GNRHR: variants seen among roughly 807,000 people sequenced by gnomAD.
GNRHR encodes gonadotropin-releasing hormone receptor.
A neutral mutation model predicts 28.1 loss-of-function variants in GNRHR; 14 were observed. The ratio of observed to expected loss-of-function variants is 0.50; its 90% CI spans 0.33 to 0.78. The LOEUF (loss-of-function observed/expected upper bound fraction) is 0.78, where lower values mean the gene tolerates loss of function less well. Ranked by LOEUF, GNRHR falls within the 30% of genes least tolerant of loss-of-function variation. GNRHR has a pLI of 0.02. For synonymous variants in GNRHR, 141 were observed against 140.5 expected (o/e 1.00, Z -0.02); for missense variants, 366 against 382.1 (o/e 0.96, Z 0.35).
At chr4:67,743,033 GC>G (rs1731688030) in intron 2 of GNRHR, among the ~76,000 whole-genome samples, 1 of 151,762 alleles carries the variant, frequency 6.6e-6, no homozygotes, top group Non-Finnish European at 1.5e-5. Context: ...GCTCACTGCA[GC>G]CTTTGCCTCC....
chr4:67,744,607 T>C lies in GNRHR; in HGVS notation c.703A>G (p.Ile235Val), dbSNP rs1560517538. Reference protein sequence around the residue: ...FIMLICNAKIIFTLTRVLHQD... With the variant: ...FIMLICNAKIVFTLTRVLHQD... ...TGAAGGACCCGTGTCAGGGTGAAGATGATTTTTGCATTGCAGATCAGCATG... is the reference window on the plus strand; with the variant it reads ...TGAAGGACCCGTGTCAGGGTGAAGACGATTTTTGCATTGCAGATCAGCATG... Residue 235 changes from isoleucine to valine, a missense_variant, in exon 2 of 3, where the codon ATC becomes GTC. Ile to Val is a conservative substitution (Grantham distance 29). Coordinates refer to ENST00000226413, the MANE Select transcript of GNRHR (RefSeq NM_000406.3). 1 of 1,612,958 alleles carries C rather than the reference T, an allele frequency of 6.2e-7. No homozygotes were observed. Among genetic ancestry groups the C allele is most frequent in the Non-Finnish European group, 8.5e-7 (1 of 1,178,916 alleles).
chr4:67,746,284 T>C (rs13143769), intron 1 of GNRHR, among the ~76,000 whole-genome samples: 30,768 of 151,944 alleles, frequency 0.2, 3,364 homozygotes, highest in Middle Eastern at 0.3. Flanking sequence ...TGGGTGAAGG[T>C]ATCCAGAAAT....
chr4:67,751,782 A>T (rs1354566994), intron 1 of GNRHR: 1 of 152,192 alleles, frequency 6.6e-6, no homozygotes, highest in East Asian at 1.9e-4. Context: ...TTTAATCTAC[A>T]TCAGCACCTC....
Position 67,738,956 on chromosome 4 carries a change from C to CAAAG in GNRHR, c.*1520_*1523dup, listed in dbSNP as rs1471850018. 6.6e-6 allele frequency among the ~76,000 whole-genome samples: 1 copy of CAAAG among 151,898 alleles called. No homozygotes were observed. Among genetic ancestry groups the CAAAG allele is most frequent in the East Asian group, 1.9e-4 (1 of 5,198 alleles). On this transcript the variant is annotated 3_prime_UTR_variant, in exon 3 of 3. Coordinates refer to ENST00000226413, the MANE Select transcript of GNRHR (RefSeq NM_000406.3). ...AAACTGAAGTATGAGAGGAGAAAATCAAAGAAAGAAAGGACGTGCCATTAG... is the reference window on the plus strand; with the variant it reads ...AAACTGAAGTATGAGAGGAGAAAATCAAAGAAAGAAAGAAAGGACGTGCCATTAG...
intron 1 of GNRHR, among the ~76,000 whole-genome samples, chr4:67,749,248 C>T (rs953830705): frequency 6.6e-6 from 1 of 152,138 alleles, no homozygotes. Context: ...GGCAAGCCTC[C>T]ACACATCTTC....
chr4:67,744,161 T>A (rs1338954818), intron 2 of GNRHR, among the ~76,000 whole-genome samples: 5 of 152,208 alleles, frequency 3.3e-5, no homozygotes, highest in Non-Finnish European at 5.9e-5. Flanking sequence ...CGTGTAAATA[T>A]ATGGGATTTG....
rs562479750 is a variant in GNRHR, at chr4:67,740,928, T to C, written c.743-204A>G. Reference sequence around the variant, plus strand: ...CATAATGAATAGAAAAGTTTGAAGATGATAGTGCTCTTATTTCTGCCAAAG... The same window carrying C: ...CATAATGAATAGAAAAGTTTGAAGACGATAGTGCTCTTATTTCTGCCAAAG... On this transcript the variant is annotated intron_variant, in intron 2 of 2. Coordinates refer to ENST00000226413, the MANE Select transcript of GNRHR (RefSeq NM_000406.3). Among the ~76,000 whole-genome samples the C allele has an allele frequency of 6.6e-5, 10 of 152,336 alleles. No individual in the cohort carries two copies. The South Asian group carries it at 1.0e-3, about 16-fold the overall frequency.
chr4:67,750,682 GT>G, intron 1 of GNRHR, among the ~76,000 whole-genome samples: 2 of 152,098 alleles, frequency 1.3e-5, no homozygotes, highest in East Asian at 3.9e-4. Context: ...CCAGCCCTGA[GT>G]GGTGAAAACA....
chr4:67,744,125 T>C (rs1316753951), intron 2 of GNRHR, among the ~76,000 whole-genome samples: 1 of 152,250 alleles, frequency 6.6e-6, no homozygotes, highest in Non-Finnish European at 1.5e-5. Context: ...CATATTAACA[T>C]ACACACAAAT....
intron 1 of GNRHR, among the ~76,000 whole-genome samples, chr4:67,751,157 T>C (rs920204708): frequency 6.6e-6 from 1 of 152,182 alleles, no homozygotes; most frequent in Non-Finnish European, 1.5e-5. Context: ...GAATAGAATA[T>C]TTATTTCATC....
chr4:67,754,270 T>C lies in GNRHR; in HGVS notation c.66A>G (p.Pro22=). 1 of 1,612,602 alleles carries C rather than the reference T, an allele frequency of 6.2e-7. No homozygotes were observed. The highest frequency in any genetic ancestry group is 1.7e-4 in the Middle Eastern group (1 of 6,060). Residue 22 remains proline, a synonymous_variant, in exon 1 of 3, where the codon CCA becomes CCG. Transcript: ENST00000226413. ...NHCSAINNSI[P]LMQGNLPTLT... is the part of the protein sequence containing the mutation. ...GAGTGGGGAGGTTGCCCTGCATCAG[T>C]GGGATGCTGTTGTTGATGGCTGAAC...
intron 1 of GNRHR, among the ~76,000 whole-genome samples, chr4:67,745,496 T>C (rs528720127): frequency 1.3e-5 from 2 of 152,200 alleles, no homozygotes; most frequent in East Asian, 1.9e-4. Flanking sequence ...TCTTCCATAA[T>C]GTAGAATGCC....
At chr4:67,749,895 A>T (rs1731836706) in intron 1 of GNRHR, among the ~76,000 whole-genome samples, 1 of 152,102 alleles carries the variant, frequency 6.6e-6, no homozygotes, top group South Asian at 2.1e-4. Context: ...ACTTTTATAT[A>T]AGCATTTCTT....
chr4:67,747,937 A>C (rs1731784756), intron 1 of GNRHR, among the ~76,000 whole-genome samples: 1 of 151,910 alleles, frequency 6.6e-6, no homozygotes, highest in African/African-American at 2.4e-5. Context: ...TTAACTTGCT[A>C]TTGTCTTAGT....
At chr4:67,747,620 T>C (rs546528744) in intron 1 of GNRHR, among the ~76,000 whole-genome samples, 7 of 152,200 alleles carry the variant, frequency 4.6e-5, no homozygotes, top group East Asian at 1.9e-4. Flanking sequence ...AAATAAAATA[T>C]GTTTAAAAAA....
Position 67,754,368 on chromosome 4 carries a change from C to A in GNRHR, c.-33G>T, listed in dbSNP as rs777782512. On this transcript the variant is annotated 5_prime_UTR_variant, in exon 1 of 3. Coordinates refer to ENST00000226413, the MANE Select transcript of GNRHR (RefSeq NM_000406.3). ...CAGGACAGAGCTTCAAGCCTTGTGT[C>A]TCTGGTGCATCTGATATTTTATTGT... is the stretch of plus-strand genomic sequence containing the variant. 1.3e-6 allele frequency: 2 copies of A among 1,554,690 alleles called. No homozygotes were observed. Among genetic ancestry groups the A allele is most frequent in the East Asian group, 2.2e-5 (1 of 44,638 alleles).
At chr4:67,746,596 A>T (rs1731758051) in intron 1 of GNRHR, among the ~76,000 whole-genome samples, 1 of 152,040 alleles carries the variant, frequency 6.6e-6, no homozygotes, top group South Asian at 2.1e-4. Flanking sequence ...AAGTGTTACA[A>T]TATTTTTTAT....
chr4:67,752,207 C>CT (rs1000206339), intron 1 of GNRHR, among the ~76,000 whole-genome samples: 36 of 148,320 alleles, frequency 2.4e-4, no homozygotes, highest in South Asian at 6.5e-4. Context: ...TTCCCAAAGC[C>CT]TTTTTTTTTT....
chr4:67,744,816 CT>C, intron 1 of GNRHR, 29 bp from the exon 2 acceptor site: 1 of 1,286,692 alleles, frequency 7.8e-7, no homozygotes, highest in Non-Finnish European at 1.1e-6. Context: ...AGCTATGTTA[CT>C]TTTTTCCATA....
Sources: allele counts gnomAD v4.1 joint callset (sites outside exome capture counted in the v4.1 genomes callset), GRCh38; gene constraint gnomAD v4.1.1; transcripts MANE v1.5; gene names NCBI Gene and HGNC (gene_info 2026-07-23, HGNC 2026-07-21).